Variants in LRGUK observed in about 807,000 individuals in gnomAD.
The protein encoded by LRGUK is leucine-rich repeat and guanylate kinase domain-containing protein.
LRGUK carries 65 observed loss-of-function variants against 76.0 expected under a neutral mutation model. That is an observed-to-expected ratio of 0.85 (90% confidence interval 0.70 to 1.05). LRGUK has a LOEUF of 1.05. LRGUK is among the 50% of genes least tolerant of loss of function. The pLI is 0.00. For synonymous variants in LRGUK, 268 were observed against 265.6 expected, an observed-to-expected ratio of 1.01 and a Z score of -0.09; for missense variants, 758 against 732.8, an observed-to-expected ratio of 1.03 and a Z score of -0.40.
intron 15 of LRGUK, among the ~76,000 whole-genome samples, chr7:134,219,403 A>G (rs1327001295): frequency 6.6e-6 from 1 of 152,200 alleles, no homozygotes; most frequent in African/African-American, 2.4e-5. Flanking sequence ...ATGGAACTTG[A>G]CTTATTTACA....
At chr7:134,211,146 C>G (rs780599621), downstream of LRGUK, among the ~76,000 whole-genome samples, 75 of 152,350 alleles carry the variant, frequency 4.9e-4, no homozygotes, top group Middle Eastern at 3.4e-3. Context: ...TAGAAGGCAG[C>G]CAATCTGCAC....
chr7:134,260,506 A>C (rs1483461877), intron 19 of LRGUK, among the ~76,000 whole-genome samples: 1 of 152,174 alleles, frequency 6.6e-6, no homozygotes, highest in African/African-American at 2.4e-5. Flanking sequence ...GCAGAGGACT[A>C]ATTAGTGGCG....
At position 134,260,191 on chromosome 7, in the gene LRGUK, A is replaced by G. The variant is rs111596483; in HGVS notation, c.2347+1786A>G. Reference sequence around the variant, plus strand: ...TAATATGGTATTATCACATATAACTATATATGATTGTAACATATATATGCA... The same window carrying G: ...TAATATGGTATTATCACATATAACTGTATATGATTGTAACATATATATGCA... On this transcript the variant is annotated intron_variant, in intron 19 of 19. Coordinates refer to the LRGUK transcript ENST00000285928. 4.2e-3 allele frequency among the ~76,000 whole-genome samples: 635 copies of G among 152,092 alleles called. 9 individuals are homozygous for G. Among genetic ancestry groups the G allele is most frequent in the African/African-American group, 0.014 (583 of 41,504 alleles).
At chr7:134,264,037 C>CCAT in exon 20 of LRGUK, 1 of 1,510,920 alleles carries the variant, frequency 6.6e-7, no homozygotes, top group East Asian at 2.4e-5. Context: ...GAATTCCTTG[C>CCAT]CTTACCTGGC....
intron 2 of LRGUK, among the ~76,000 whole-genome samples, 176 bp from the exon 3 acceptor site, chr7:134,139,260 T>C (rs2116831423): frequency 6.6e-6 from 1 of 152,330 alleles, no homozygotes; most frequent in Non-Finnish European, 1.5e-5. Flanking sequence ...AAGGGCTTTT[T>C]TTTTATGGCA....
intron 15 of LRGUK, among the ~76,000 whole-genome samples, chr7:134,217,153 C>CTTTT (rs75989063): frequency 5.7e-5 from 7 of 122,184 alleles, no homozygotes; most frequent in African/African-American, 1.8e-4. Flanking sequence ...AATACTCATC[C>CTTTT]TTTTTTTTTT....
chr7:134,273,280 A>G, the LRGUK span, among the ~76,000 whole-genome samples: 1 of 152,276 alleles, frequency 6.6e-6, no homozygotes, highest in African/African-American at 2.4e-5. Flanking sequence ...TGCCTGGTAG[A>G]GCTCTCTATG....
At chr7:134,163,409 A>G (rs1798835479) in exon 7 of LRGUK, 2 of 1,612,376 alleles carry the variant, frequency 1.2e-6, no homozygotes, top group African/African-American at 2.7e-5. Context: ...CAATAACCAG[A>G]TTGAGATGAT....
chr7:134,251,055 G>A (rs943522832), intron 18 of LRGUK, among the ~76,000 whole-genome samples: 4 of 152,148 alleles, frequency 2.6e-5, no homozygotes, highest in African/African-American at 9.7e-5. Flanking sequence ...TGTCTTATAT[G>A]CAGACATATT....
chr7:134,155,764 G>A (rs1014965896), intron 5 of LRGUK, among the ~76,000 whole-genome samples: 1 of 152,070 alleles, frequency 6.6e-6, no homozygotes, highest in South Asian at 2.1e-4. Flanking sequence ...GGCCTTAATG[G>A]CCACCTGATA....
chr7:134,268,372 A>G (rs1007640714), downstream of LRGUK, among the ~76,000 whole-genome samples: 4 of 151,524 alleles, frequency 2.6e-5, no homozygotes, highest in African/African-American at 9.8e-5. Flanking sequence ...CAATTTAGAT[A>G]AAACAAACTC....
At chr7:134,262,796 C>T (rs567607018) in intron 19 of LRGUK, among the ~76,000 whole-genome samples, 2 of 152,004 alleles carry the variant, frequency 1.3e-5, no homozygotes, top group South Asian at 4.2e-4. Context: ...GGTGAAACCC[C>T]ACCTCTACCA....
downstream of LRGUK, among the ~76,000 whole-genome samples, chr7:134,268,258 A>G (rs1313963473): frequency 1.3e-5 from 2 of 152,200 alleles, no homozygotes; most frequent in Non-Finnish European, 2.9e-5. Flanking sequence ...TTTTAATACA[A>G]ATTACCAATA....
At chr7:134,139,297 G>T (rs1797665398) in intron 2 of LRGUK, 139 bp from the exon 3 acceptor site, 1 of 600,506 alleles carries the variant, frequency 1.7e-6, no homozygotes, top group African/African-American at 1.9e-5. Flanking sequence ...ATTAGTAGCA[G>T]GCTTCAGATT....
chr7:134,207,778 G>C (rs1801068928), intron 15 of LRGUK, among the ~76,000 whole-genome samples: 1 of 152,168 alleles, frequency 6.6e-6, no homozygotes, highest in Admixed American at 6.5e-5. Context: ...CTTCTTCAAG[G>C]CTGTTCCAGT....
At chr7:134,250,971 A>G (rs1389938869) in intron 18 of LRGUK, among the ~76,000 whole-genome samples, 1 of 152,198 alleles carries the variant, frequency 6.6e-6, no homozygotes, top group Non-Finnish European at 1.5e-5. Context: ...ATGAGTATTC[A>G]TTTAATACTT....
At chr7:134,226,710 CTT>C (rs1476222958) in intron 16 of LRGUK, among the ~76,000 whole-genome samples, 1 of 152,218 alleles carries the variant, frequency 6.6e-6, no homozygotes, top group Non-Finnish European at 1.5e-5. Flanking sequence ...GCCATTTCCT[CTT>C]CTGTAAAGTA....
intron 11 of LRGUK, among the ~76,000 whole-genome samples, chr7:134,190,870 T>C (rs76423390): frequency 0.13 from 19,047 of 152,222 alleles, 1,831 homozygotes; most frequent in East Asian, 0.37. Context: ...CAGATAAATA[T>C]ATAAAAGAAA....
chr7:134,211,232 C>G (rs1801253629), downstream of LRGUK, among the ~76,000 whole-genome samples: 1 of 152,266 alleles, frequency 6.6e-6, no homozygotes, highest in Non-Finnish European at 1.5e-5. Flanking sequence ...CTATCAGCTG[C>G]TGCCACCAAA....
Sources: allele counts gnomAD v4.1 joint callset (sites outside exome capture counted in the v4.1 genomes callset), GRCh38; gene constraint gnomAD v4.1.1; transcripts MANE v1.5; gene names NCBI Gene and HGNC (gene_info 2026-07-23, HGNC 2026-07-21).